The following SCPEP1 variants were observed in gnomAD, a reference collection of about 807,000 sequenced individuals.
SCPEP1 encodes serine carboxypeptidase 1, also known as retinoid-inducible serine carboxypeptidase.
SCPEP1 carries 51 observed loss-of-function variants against 63.8 expected under a neutral mutation model. The observed-to-expected ratio is 0.80, with a 90% confidence interval of 0.64 to 1.01. The LOEUF (loss-of-function observed/expected upper bound fraction) is 1.01. Ranked by LOEUF, SCPEP1 falls within the 50% of genes least tolerant of loss-of-function variation. The pLI, the probability that SCPEP1 is intolerant of heterozygous loss-of-function variation, is 0.00. For missense variants in SCPEP1, 499 were observed against 554.9 expected, an observed-to-expected ratio of 0.90 and a Z score of 1.01; for synonymous variants, 204 against 207.8, an observed-to-expected ratio of 0.98 and a Z score of 0.16.
intron 5 of SCPEP1, among the ~76,000 whole-genome samples, chr17:56,990,093 T>G (rs1911347824): frequency 6.6e-6 from 1 of 152,096 alleles, no homozygotes; most frequent in Non-Finnish European, 1.5e-5. Context: ...ATATACTGAG[T>G]GTGGAAAGTT....
intron 2 of SCPEP1, chr17:56,983,263 G>A (rs1303256209): frequency 2.6e-5 from 4 of 152,286 alleles, no homozygotes; most frequent in African/African-American, 9.7e-5. Context: ...GAGAGGGAGA[G>A]GTCATCTTCT....
intron 1 of SCPEP1, among the ~76,000 whole-genome samples, chr17:56,979,856 G>C (rs527642626): frequency 4.3e-4 from 66 of 151,898 alleles, no homozygotes; most frequent in Non-Finnish European, 8.0e-4. Flanking sequence ...TACAGTCTCT[G>C]GGGTTTGCTT....
At chr17:56,979,635 G>C (rs1911013604) in intron 1 of SCPEP1, among the ~76,000 whole-genome samples, 1 of 152,098 alleles carries the variant, frequency 6.6e-6, no homozygotes, top group African/African-American at 2.4e-5. Flanking sequence ...TTGGAGTTAG[G>C]GGATTATAGG....
At chr17:57,003,932 C>T (rs1352554876) in intron 12 of SCPEP1, among the ~76,000 whole-genome samples, 1 of 152,162 alleles carries the variant, frequency 6.6e-6, no homozygotes, top group Admixed American at 6.6e-5. Context: ...GGTATGGTGG[C>T]TGACACCTGT....
In SCPEP1 at chr17:56,981,173, T is replaced by C; in HGVS notation, c.168T>C (p.Tyr56=). ...RKDAYMFWWL[Y]YATNSCKNFS... is the part of the protein sequence containing the mutation. Reference sequence around the variant, plus strand: ...ATGCCTACATGTTCTGGTGGCTCTATTATGCCACCAACTCCTGCAAGAACT... The same window carrying C: ...ATGCCTACATGTTCTGGTGGCTCTACTATGCCACCAACTCCTGCAAGAACT... Residue 56 remains tyrosine, a synonymous_variant, in exon 2 of 13, where the codon TAT becomes TAC. Coordinates refer to ENST00000262288, the MANE Select transcript of SCPEP1 (RefSeq NM_021626.3). 6.2e-7 allele frequency: 1 copy of C among 1,614,160 alleles called. No homozygotes were observed. The highest frequency in any genetic ancestry group is 8.5e-7 in the Non-Finnish European group (1 of 1,180,020).
intron 11 of SCPEP1, 32 bp downstream of exon 11, chr17:57,001,024 C>T: frequency 6.2e-7 from 1 of 1,612,770 alleles, no homozygotes; most frequent in South Asian, 1.1e-5. Flanking sequence ...CACCTAGAGG[C>T]AGTTTTATGG....
chr17:56,997,246 G>A (rs755264851), intron 9 of SCPEP1, 191 bp downstream of exon 9: 33 of 434,080 alleles, frequency 7.6e-5, no homozygotes, highest in Non-Finnish European at 8.2e-5. Flanking sequence ...GAGCATTTCT[G>A]TCACCCCAAG....
chr17:56,986,480 A>G (rs1191124456), intron 3 of SCPEP1, among the ~76,000 whole-genome samples: 1 of 151,284 alleles, frequency 6.6e-6, no homozygotes, highest in African/African-American at 2.4e-5. Context: ...AGCTTCCCAA[A>G]GTGCTGGGAT....
At position 56,999,981 on chromosome 17, in the gene SCPEP1, TA is replaced by T. The variant is rs761068231; in HGVS notation, c.995-854del. ...TGGGCAATAAGAGTGAAACTCTGTC[TA>T]AAAAAAAAAAAAAAAAAAAGAGCTG... On this transcript the variant is annotated intron_variant, in intron 10 of 12. Transcript: ENST00000262288. Among the ~76,000 whole-genome samples, 748 of 103,830 alleles carry T rather than the reference TA, an allele frequency of 7.2e-3. 3 individuals carry two copies. The highest frequency in any genetic ancestry group is 7.6e-3 in the Non-Finnish European group (380 of 49,846). 68.1% of individuals were successfully genotyped at this position (103,830 alleles called of 152,430 possible).
At chr17:56,999,273 C>T (rs905343338) in intron 10 of SCPEP1, among the ~76,000 whole-genome samples, 5 of 152,208 alleles carry the variant, frequency 3.3e-5, no homozygotes, top group African/African-American at 9.6e-5. Context: ...CCTCCCCAGG[C>T]ATCCTGATGC....
chr17:57,005,616 C>G (rs1028567522), intron 12 of SCPEP1, among the ~76,000 whole-genome samples: 7 of 152,106 alleles, frequency 4.6e-5, no homozygotes, highest in African/African-American at 1.7e-4. Flanking sequence ...CTGCCCTTCC[C>G]CCTTTTGATG....
intron 6 of SCPEP1, among the ~76,000 whole-genome samples, chr17:56,992,419 A>G (rs571969392): frequency 1.9e-4 from 29 of 152,264 alleles, no homozygotes; most frequent in Admixed American, 5.2e-4. Context: ...TTAGAGAAGC[A>G]TGAGAGTTTC....
intron 4 of SCPEP1, among the ~76,000 whole-genome samples, 167 bp from the exon 5 acceptor site, chr17:56,988,049 G>A (rs1473122859): frequency 6.6e-6 from 1 of 152,228 alleles, no homozygotes. Flanking sequence ...TGACCTTGGA[G>A]TGAGCATTCT....
At chr17:56,988,104 A>C in intron 4 of SCPEP1, 112 bp from the exon 5 acceptor site, 4 of 905,366 alleles carry the variant, frequency 4.4e-6, no homozygotes, top group Non-Finnish European at 6.9e-6. Context: ...GGAGGAAGAC[A>C]AAGCAGATTT....
intron 2 of SCPEP1, among the ~76,000 whole-genome samples, chr17:56,982,335 G>A (rs1445789402): frequency 6.6e-6 from 1 of 152,158 alleles, no homozygotes; most frequent in Non-Finnish European, 1.5e-5. Flanking sequence ...CCACCACCTG[G>A]GTTTTGCCTC....
chr17:56,981,108 G>A lies in SCPEP1; in HGVS notation c.103G>A (p.Glu35Lys). The A allele has an allele frequency of 1.2e-6, 2 of 1,614,200 alleles. No individual in the cohort carries two copies. The highest frequency in any genetic ancestry group is 1.7e-6 in the Non-Finnish European group (2 of 1,180,022). ...AGCTGTCATTGACTGGCCCACAGAG[G>A]AGGGCAAGGAAGTATGGGATTATGT... is the stretch of plus-strand genomic sequence containing the variant. The part of the protein sequence containing the change: ...AGAVIDWPTE[E>K]GKEVWDYVTV... The change falls in exon 2 of 13, where the codon GAG (glutamate) becomes AAG (lysine). Residue 35 changes from glutamate to lysine, a missense_variant. Physicochemically the swap from Glu to Lys is moderately conservative, Grantham distance 56. Coordinates refer to ENST00000262288, the MANE Select transcript of SCPEP1 (RefSeq NM_021626.3).
intron 3 of SCPEP1, among the ~76,000 whole-genome samples, chr17:56,986,692 C>A (rs1911231461): frequency 6.6e-6 from 1 of 152,074 alleles, no homozygotes; most frequent in African/African-American, 2.4e-5. Context: ...ACTACAGGCG[C>A]CCGCCACTGC....
intron 3 of SCPEP1, chr17:56,987,483 G>T (rs1349739152): frequency 2.7e-6 from 1 of 364,306 alleles, no homozygotes; most frequent in South Asian, 7.5e-5. Flanking sequence ...TTTTTTTTGC[G>T]GCGGCGGGGG....
chr17:57,006,747 T>A lies in SCPEP1; in HGVS notation c.*512T>A, dbSNP rs1831227983. ...TGAAACACCTTTTCATGTCAATAAA[T>A]GTTCTTCTCTAACATTTTTAATGGC... On this transcript the variant is annotated 3_prime_UTR_variant, in exon 13 of 13. Transcript: ENST00000262288. 1 of 152,238 alleles carries A rather than the reference T, an allele frequency of 6.6e-6. No homozygotes were observed. The highest frequency in any genetic ancestry group is 6.5e-5 in the Admixed American group (1 of 15,282). 9.4% of individuals were successfully genotyped at this position (152,238 alleles called of 1,614,324 possible).
Sources: allele counts gnomAD v4.1 joint callset (sites outside exome capture counted in the v4.1 genomes callset), GRCh38; gene constraint gnomAD v4.1.1; transcripts MANE v1.5; gene names NCBI Gene and HGNC (gene_info 2026-07-23, HGNC 2026-07-21).